ARHGAP6: variants seen among roughly 807,000 people sequenced by gnomAD.
ARHGAP6 encodes the protein rho GTPase-activating protein 6.
Under a neutral mutation model 55.7 loss-of-function variants are expected in ARHGAP6, and 16 were observed. That is an observed-to-expected ratio of 0.29 (90% confidence interval 0.19 to 0.44). The LOEUF is 0.44. Among genes scored for constraint, ARHGAP6 ranks in the 20% least tolerant of loss-of-function variants. The pLI is 1.00. For synonymous variants in ARHGAP6, 382 were observed against 360.9 expected, an observed-to-expected ratio of 1.06 and a Z score of -0.66; for missense variants, 698 against 808.9, an observed-to-expected ratio of 0.86 and a Z score of 1.66.
At chrX:11,525,344 AG>A (rs1434501174) in intron 1 of ARHGAP6, among the ~76,000 whole-genome samples, 3 of 111,951 alleles carry the variant, frequency 2.7e-5, no homozygotes, top group Non-Finnish European at 3.8e-5. Flanking sequence ...ATCTCTTTCC[AG>A]GGGTGGTTGA....
chrX:11,183,324 C>T (rs538446157), intron 5 of ARHGAP6, among the ~76,000 whole-genome samples: 4 of 111,650 alleles, frequency 3.6e-5, no homozygotes, highest in African/African-American at 9.8e-5. Flanking sequence ...AATATACATG[C>T]TTATTTTTCT....
intron 2 of ARHGAP6, among the ~76,000 whole-genome samples, chrX:11,238,773 A>G (rs889085177): frequency 1.8e-5 from 2 of 111,323 alleles, no homozygotes; most frequent in Non-Finnish European, 3.8e-5. Flanking sequence ...GCTGAAAGCT[A>G]TACTAGTGAG....
chrX:11,405,371 C>T (rs2049598441), intron 1 of ARHGAP6, among the ~76,000 whole-genome samples: 2 of 112,042 alleles, frequency 1.8e-5, no homozygotes, highest in South Asian at 7.5e-4. Context: ...TGTCTTTTTC[C>T]TTCTATAAGA....
intron 1 of ARHGAP6, among the ~76,000 whole-genome samples, chrX:11,480,150 A>C (rs1253450379): frequency 2.7e-5 from 3 of 112,082 alleles, no homozygotes; most frequent in Non-Finnish European, 5.6e-5. Flanking sequence ...CTTGTGTGTG[A>C]ATCTTCATAG....
At chrX:11,234,879 T>A (rs1048594014) in intron 2 of ARHGAP6, among the ~76,000 whole-genome samples, 3 of 112,787 alleles carry the variant, frequency 2.7e-5, no homozygotes, top group Non-Finnish European at 5.6e-5. Context: ...TAAGAAATGA[T>A]CTAGCAAGCC....
At chrX:11,251,739 A>ATATATATAT in intron 2 of ARHGAP6, among the ~76,000 whole-genome samples, 2 of 111,842 alleles carry the variant, frequency 1.8e-5, no homozygotes, top group African/African-American at 6.5e-5. Flanking sequence ...GACCCTGTTG[A>ATATATATAT]GAACCTCCAT....
intron 1 of ARHGAP6, among the ~76,000 whole-genome samples, chrX:11,542,483 GAAA>G (rs112836400): frequency 3.9e-5 from 4 of 103,246 alleles, no homozygotes; most frequent in African/African-American, 1.4e-4. Context: ...TCGATAAAAA[GAAA>G]AAAAAAAGAT....
intron 1 of ARHGAP6, among the ~76,000 whole-genome samples, chrX:11,326,538 T>C (rs1313082241): frequency 1.8e-5 from 2 of 111,571 alleles, no homozygotes; most frequent in East Asian, 5.6e-4. Context: ...ATCATGTACT[T>C]TGATATTGAC....
At chrX:11,187,503 GA>G (rs1265359547) in intron 4 of ARHGAP6, among the ~76,000 whole-genome samples, 1 of 112,242 alleles carries the variant, frequency 8.9e-6, no homozygotes, top group Non-Finnish European at 1.9e-5. Context: ...CACAATGACA[GA>G]ATTAGAAGAA....
intron 1 of ARHGAP6, among the ~76,000 whole-genome samples, chrX:11,466,833 T>C (rs1037205753): frequency 2.7e-5 from 3 of 112,218 alleles, no homozygotes; most frequent in African/African-American, 9.7e-5. Context: ...TACATGTCTA[T>C]ATATGTTTCT....
chrX:11,542,016 T>C (rs919288931), intron 1 of ARHGAP6, among the ~76,000 whole-genome samples: 4 of 111,741 alleles, frequency 3.6e-5, no homozygotes, highest in Admixed American at 9.5e-5. Flanking sequence ...TTTTCCTTAC[T>C]TAGATTTAGA....
chrX:11,219,754 ATTTG>A (rs1307631780), intron 2 of ARHGAP6, among the ~76,000 whole-genome samples: 1 of 95,464 alleles, frequency 1.0e-5, no homozygotes, highest in Non-Finnish European at 2.1e-5. Context: ...TTTCTTGTAA[ATTTG>A]TTTGAGTTCA....
intron 1 of ARHGAP6, among the ~76,000 whole-genome samples, chrX:11,436,586 A>G (rs773605682): frequency 8.9e-6 from 1 of 112,225 alleles, no homozygotes; most frequent in Non-Finnish European, 1.9e-5. Context: ...ACTTGTATAC[A>G]TATGTTTATG....
At chrX:11,401,801 T>C (rs774727480) in intron 1 of ARHGAP6, among the ~76,000 whole-genome samples, 2 of 112,563 alleles carry the variant, frequency 1.8e-5, no homozygotes, top group Admixed American at 9.4e-5. Flanking sequence ...TCAGCAAATG[T>C]TTGTTAGCTT....
chrX:11,283,793 A>T (rs2047889494), intron 1 of ARHGAP6, among the ~76,000 whole-genome samples: 1 of 111,280 alleles, frequency 9.0e-6, no homozygotes, highest in Non-Finnish European at 1.9e-5. Flanking sequence ...AGAAAATGGA[A>T]AAGTCAAGAA....
intron 1 of ARHGAP6, among the ~76,000 whole-genome samples, chrX:11,441,992 AATG>A (rs1347044087): frequency 9.0e-6 from 1 of 111,446 alleles, no homozygotes; most frequent in African/African-American, 3.3e-5. Flanking sequence ...AGAAACATAA[AATG>A]ATATTTTTAA....
At position 11,664,281 on chromosome X, in the gene ARHGAP6, G is replaced by A. The variant is rs969032008; in HGVS notation, c.548C>T (p.Pro183Leu). The change falls in exon 1 of 13, where the codon CCC (proline) becomes CTC (leucine). Residue 183 changes from proline to leucine, a missense_variant. This residue lies in a region of ARHGAP6 where 322 missense variants were observed against 451.1 expected (regional missense o/e 0.71). Coordinates refer to ENST00000337414, the MANE Select transcript of ARHGAP6 (RefSeq NM_013427.3). ...GACGTAGGGGTGCCCGCGACTGTCG[G>A]GTGGGGACTGGAACTTCCTCTGCTG... ...WLQQRKFQSP[P>L]DSRGHPYVVW... The A allele has an allele frequency of 8.3e-7, 1 of 1,210,457 alleles. No homozygotes were observed. The highest frequency in any genetic ancestry group is 1.1e-6 in the Non-Finnish European group (1 of 895,151).
intron 1 of ARHGAP6, among the ~76,000 whole-genome samples, chrX:11,428,945 G>A (rs149582841): frequency 0.024 from 2,702 of 111,146 alleles, 32 homozygotes; most frequent in Middle Eastern, 0.055. Flanking sequence ...GTCAATCATA[G>A]GCCTACCTTC....
chrX:11,323,689 AC>A (rs1175834176), intron 1 of ARHGAP6, among the ~76,000 whole-genome samples: 2 of 110,007 alleles, frequency 1.8e-5, no homozygotes, highest in Non-Finnish European at 3.8e-5. Flanking sequence ...ACATGGTGAA[AC>A]CCTGTCTCTA....
Sources: allele counts gnomAD v4.1 joint callset (sites outside exome capture counted in the v4.1 genomes callset), GRCh38; gene constraint gnomAD v4.1.1; regional missense constraint gnomAD v4.1.1; transcripts MANE v1.5; gene names NCBI Gene and HGNC (gene_info 2026-07-23, HGNC 2026-07-21).